NFIA: variants seen among roughly 807,000 people sequenced by gnomAD.
NFIA encodes nuclear factor 1 A-type.
NFIA carries 8 observed loss-of-function variants against 62.8 expected under a neutral mutation model. The ratio of observed to expected loss-of-function variants is 0.13; its 90% CI spans 0.07 to 0.23. NFIA has a LOEUF of 0.23. Ranked by LOEUF, NFIA falls within the 10% of genes least tolerant of loss-of-function variation. NFIA has a pLI of 1.00. For synonymous variants in NFIA, 235 were observed against 238.1 expected, an observed-to-expected ratio of 0.99 and a Z score of 0.12; for missense variants, 410 against 642.1, an observed-to-expected ratio of 0.64 and a Z score of 3.91.
At chr1:61,284,429 A>C (rs1658351761) in intron 3 of NFIA, among the ~76,000 whole-genome samples, 1 of 152,236 alleles carries the variant, frequency 6.6e-6, no homozygotes. Context: ...CTCCAGACAA[A>C]GGAAATTCCT....
chr1:61,317,823 AT>A (rs1660450400), intron 3 of NFIA, among the ~76,000 whole-genome samples: 1 of 152,064 alleles, frequency 6.6e-6, no homozygotes, highest in Non-Finnish European at 1.5e-5. Context: ...AACAGTTATC[AT>A]TTTTTGAACA....
chr1:61,244,057 G>A (rs1193580096), intron 2 of NFIA, among the ~76,000 whole-genome samples: 1 of 151,960 alleles, frequency 6.6e-6, no homozygotes, highest in Non-Finnish European at 1.5e-5. Flanking sequence ...TAGTACATGG[G>A]GTGTATGTGT....
chr1:61,362,789 A>C (rs1236180203), intron 6 of NFIA, among the ~76,000 whole-genome samples: 1 of 152,232 alleles, frequency 6.6e-6, no homozygotes, highest in Non-Finnish European at 1.5e-5. Flanking sequence ...TTTGTTTCCC[A>C]GTTATCTCAA....
At chr1:61,428,699 TA>T (rs1245764470) in intron 10 of NFIA, among the ~76,000 whole-genome samples, 1 of 152,100 alleles carries the variant, frequency 6.6e-6, no homozygotes. Context: ...TAATATACCT[TA>T]AAAAATAAGT....
At chr1:61,167,694 A>G (rs1265374351) in intron 2 of NFIA, among the ~76,000 whole-genome samples, 3 of 152,244 alleles carry the variant, frequency 2.0e-5, no homozygotes, top group African/African-American at 4.8e-5. Flanking sequence ...ATCTACAACT[A>G]TTAATCCTGT....
intron 1 of NFIA, among the ~76,000 whole-genome samples, chr1:61,084,224 CAGT>C (rs749951375): frequency 2.6e-5 from 4 of 152,142 alleles, no homozygotes; most frequent in Non-Finnish European, 5.9e-5. Context: ...TAAAAAGTAT[CAGT>C]AGTTTTCGCT....
intron 2 of NFIA, among the ~76,000 whole-genome samples, chr1:61,094,124 G>A (rs941883968): frequency 6.6e-6 from 1 of 152,202 alleles, no homozygotes; most frequent in African/African-American, 2.4e-5. Flanking sequence ...CAGTGAATGT[G>A]CTAAACACTG....
At chr1:61,447,216 T>C (rs1466154238) in intron 10 of NFIA, among the ~76,000 whole-genome samples, 1 of 152,232 alleles carries the variant, frequency 6.6e-6, no homozygotes, top group African/African-American at 2.4e-5. Flanking sequence ...TCTTCATTTT[T>C]TGCCTTTGGG....
chr1:61,297,141 T>C lies in NFIA; in HGVS notation c.625+19556T>C, dbSNP rs78001034. Among the ~76,000 whole-genome samples the C allele has an allele frequency of 5.0e-3, 759 of 152,334 alleles. 7 individuals are homozygous for C. The highest frequency in any genetic ancestry group is 6.7e-3 in the Non-Finnish European group (454 of 68,032). On this transcript the variant is annotated intron_variant, in intron 3 of 10. Transcript: ENST00000403491. ...TTTTACCCTGTATTTATTTAAAAGG[T>C]TTGCTCTATAAATATAGGACCTGTA... is the stretch of plus-strand genomic sequence containing the variant.
intron 3 of NFIA, among the ~76,000 whole-genome samples, chr1:61,300,947 G>T (rs1659466653): frequency 6.6e-6 from 1 of 151,938 alleles, no homozygotes; most frequent in South Asian, 2.1e-4. Context: ...ATTGAACAAA[G>T]GTTCTACCAT....
intron 2 of NFIA, among the ~76,000 whole-genome samples, chr1:61,133,722 A>G (rs1345027958): frequency 6.6e-6 from 1 of 152,186 alleles, no homozygotes; most frequent in Admixed American, 6.5e-5. Context: ...TAGCCCAGCT[A>G]TTCAGGAGTC....
At chr1:61,299,326 C>A (rs887742674) in intron 3 of NFIA, among the ~76,000 whole-genome samples, 1 of 152,142 alleles carries the variant, frequency 6.6e-6, no homozygotes, top group Non-Finnish European at 1.5e-5. Flanking sequence ...ACTTTGAAGA[C>A]TCAAGTGTTT....
intron 6 of NFIA, among the ~76,000 whole-genome samples, chr1:61,371,261 G>A (rs1347107234): frequency 6.6e-6 from 1 of 152,158 alleles, no homozygotes; most frequent in African/African-American, 2.4e-5. Context: ...ATGCTTTTCA[G>A]GGCCAGTTAT....
chr1:61,431,322 A>G (rs1187926976), intron 10 of NFIA, among the ~76,000 whole-genome samples: 1 of 152,220 alleles, frequency 6.6e-6, no homozygotes, highest in Non-Finnish European at 1.5e-5. Context: ...ATTTTGATAC[A>G]GGTTCTAGTT....
intron 2 of NFIA, among the ~76,000 whole-genome samples, chr1:61,177,340 T>C (rs1650448531): frequency 6.6e-6 from 1 of 152,182 alleles, no homozygotes; most frequent in Non-Finnish European, 1.5e-5. Context: ...TTTAAATGTG[T>C]CAAGTTATTT....
At chr1:61,147,621 C>G (rs1247821225) in intron 2 of NFIA, among the ~76,000 whole-genome samples, 1 of 152,126 alleles carries the variant, frequency 6.6e-6, no homozygotes, top group Non-Finnish European at 1.5e-5. Flanking sequence ...GTTGGAAAAT[C>G]ATTTTGCCTC....
At chr1:61,376,655 C>A (rs1322669315) in intron 6 of NFIA, among the ~76,000 whole-genome samples, 1 of 151,434 alleles carries the variant, frequency 6.6e-6, no homozygotes, top group East Asian at 1.9e-4. Context: ...TCCTTTTTTT[C>A]CCCCTTTGGA....
At chr1:61,086,405 A>G (rs1385955346) in intron 1 of NFIA, among the ~76,000 whole-genome samples, 1 of 152,166 alleles carries the variant, frequency 6.6e-6, no homozygotes. Context: ...AATAAGAAAT[A>G]TTCTCAAACA....
chr1:61,270,931 C>T (rs1369678620), intron 2 of NFIA, among the ~76,000 whole-genome samples: 1 of 152,176 alleles, frequency 6.6e-6, no homozygotes, highest in Non-Finnish European at 1.5e-5. Flanking sequence ...TTAGTCAAAG[C>T]GTCTTCTCAA....
Sources: gnomAD v4.1 joint callset for allele counts (sites outside exome capture counted in the v4.1 genomes callset) on GRCh38, gnomAD v4.1.1 for gene constraint, MANE v1.5 for transcripts, NCBI Gene and HGNC (gene_info 2026-07-23, HGNC 2026-07-21) for gene names.